ADAM12: variants seen among roughly 807,000 people sequenced by gnomAD.
The protein encoded by ADAM12 is ADAM metallopeptidase domain 12.
In ADAM12, 70 loss-of-function variants were observed where a neutral mutation model predicts 106.4. That is an observed-to-expected ratio of 0.66 (90% CI 0.54 to 0.80). ADAM12 has a LOEUF of 0.80. Among genes scored for constraint, ADAM12 ranks in the 30% least tolerant of loss-of-function variants. ADAM12 has a pLI of 0.00. For synonymous variants in ADAM12, 420 were observed against 433.5 expected (o/e 0.97, Z 0.39); for missense variants, 1,010 against 1,171.9 (o/e 0.86, Z 2.02).
intron 11 of ADAM12, among the ~76,000 whole-genome samples, chr10:126,088,856 G>A (rs553896274): frequency 7.9e-5 from 12 of 152,290 alleles, no homozygotes; most frequent in African/African-American, 2.4e-4. Flanking sequence ...GAATGGGCCA[G>A]TTATACATGC....
At chr10:126,050,700 A>G (rs1954459694) in intron 14 of ADAM12, among the ~76,000 whole-genome samples, 1 of 152,184 alleles carries the variant, frequency 6.6e-6, no homozygotes, top group Non-Finnish European at 1.5e-5. Flanking sequence ...TACTAAAAAC[A>G]TCCCCCTTCG....
At chr10:126,327,914 C>G (rs776048288) in intron 2 of ADAM12, among the ~76,000 whole-genome samples, 3 of 152,152 alleles carry the variant, frequency 2.0e-5, no homozygotes, top group African/African-American at 7.2e-5. Context: ...CTGTTGCTCC[C>G]GCATCACTCC....
chr10:126,065,739 A>C (rs1590360815), intron 13 of ADAM12, among the ~76,000 whole-genome samples: 1 of 152,160 alleles, frequency 6.6e-6, no homozygotes. Flanking sequence ...AGTCGAAAGC[A>C]ATTGTTAAAA....
chr10:126,153,952 T>C (rs1226849531), intron 4 of ADAM12, among the ~76,000 whole-genome samples: 1 of 152,230 alleles, frequency 6.6e-6, no homozygotes, highest in East Asian at 1.9e-4. Context: ...TCATTTTTTA[T>C]GAAGTCTTTT....
intron 3 of ADAM12, among the ~76,000 whole-genome samples, chr10:126,181,898 T>A (rs1422738291): frequency 6.6e-6 from 1 of 152,130 alleles, no homozygotes; most frequent in African/African-American, 2.4e-5. Flanking sequence ...ACCGGGAGAT[T>A]ACATGATTTC....
At chr10:126,152,919 C>A (rs965197085) in intron 4 of ADAM12, among the ~76,000 whole-genome samples, 5 of 152,136 alleles carry the variant, frequency 3.3e-5, no homozygotes, top group African/African-American at 1.2e-4. Context: ...CATTTTAAAT[C>A]TATTAGCTCA....
chr10:126,170,239 G>C (rs1957095233), intron 3 of ADAM12, among the ~76,000 whole-genome samples: 1 of 152,130 alleles, frequency 6.6e-6, no homozygotes, highest in South Asian at 2.1e-4. Context: ...TGCTTGCTCA[G>C]AGAGGGTCAT....
intron 3 of ADAM12, among the ~76,000 whole-genome samples, chr10:126,252,445 G>A (rs1056440581): frequency 1.3e-5 from 2 of 152,164 alleles, no homozygotes. Flanking sequence ...TCAAAGGCCC[G>A]AACACCAAGG....
In ADAM12 at chr10:126,064,963, G is replaced by A. The variant is rs200351199; in HGVS notation, c.1452C>T (p.Asn484=). The change falls in exon 14 of 23, where the codon AAC becomes AAT. Residue 484 remains asparagine, a synonymous_variant. Coordinates refer to ENST00000448723, the MANE Select transcript of ADAM12 (RefSeq NM_001288973.2). The surrounding 1 kb of genome is among the most constrained non-coding windows in gnomAD (Gnocchi z 4.4). ...TGCAGAACTCTGGGAGGTCACAGGA[G>A]TTGCTGGAGTCCCTGCACGCTGTTC... is the stretch of plus-strand genomic sequence containing the variant. ...PAGTACRDSS[N]SCDLPEFCTG... is the part of the protein sequence containing the mutation. 1.1e-5 allele frequency: 17 copies of A among 1,613,022 alleles called. No individual in the cohort carries two copies. The highest frequency in any genetic ancestry group is 5.0e-5 in the Admixed American group (3 of 59,926).
chr10:126,257,304 A>G (rs2133700101), intron 3 of ADAM12, among the ~76,000 whole-genome samples: 1 of 152,350 alleles, frequency 6.6e-6, no homozygotes, highest in East Asian at 1.9e-4. Context: ...AAAACACCTA[A>G]GTAGCCCTGG....
chr10:126,312,149 A>AC (rs1476497450), intron 2 of ADAM12, among the ~76,000 whole-genome samples: 7 of 151,470 alleles, frequency 4.6e-5, no homozygotes, highest in Admixed American at 2.6e-4. Context: ...AAAAAAAAAA[A>AC]AAACCCACGT....
At chr10:126,034,134 T>C (rs1564998935) in intron 21 of ADAM12, among the ~76,000 whole-genome samples, 1 of 152,256 alleles carries the variant, frequency 6.6e-6, no homozygotes, top group Non-Finnish European at 1.5e-5. Flanking sequence ...TTCTGTATTC[T>C]ACTTAAAGTG....
chr10:126,155,657 C>T (rs1057478073), intron 3 of ADAM12, among the ~76,000 whole-genome samples: 6 of 152,208 alleles, frequency 3.9e-5, no homozygotes, highest in African/African-American at 1.2e-4. Flanking sequence ...ATGAATAGTA[C>T]AGGCAGATTT....
intron 5 of ADAM12, among the ~76,000 whole-genome samples, chr10:126,123,465 T>C (rs945672270): frequency 2.0e-5 from 3 of 152,164 alleles, no homozygotes; most frequent in African/African-American, 7.2e-5. Flanking sequence ...GTCCCTTCTC[T>C]AGAGCGACAG....
rs1490149754 is a variant in ADAM12 at position 126,015,505 on chromosome 10, A to G, written c.*1774T>C. ...TTACATTTTAAAGAACTTAATAACTATAGAATAAACAGATGCATGCTATAC... is the reference window on the plus strand; with the variant it reads ...TTACATTTTAAAGAACTTAATAACTGTAGAATAAACAGATGCATGCTATAC... On this transcript the variant is annotated 3_prime_UTR_variant, in exon 23 of 23. Transcript: ENST00000448723. 6.6e-6 allele frequency: 1 copy of G among 152,248 alleles called. No homozygotes were observed. The highest frequency in any genetic ancestry group is 6.5e-5 in the Admixed American group (1 of 15,286). 9.4% of individuals were successfully genotyped at this position (152,248 alleles called of 1,614,324 possible).
At chr10:126,260,071 C>T (rs770440978) in intron 3 of ADAM12, among the ~76,000 whole-genome samples, 20 of 152,162 alleles carry the variant, frequency 1.3e-4, no homozygotes, top group African/African-American at 4.8e-4. Flanking sequence ...ACACCTGGGT[C>T]CCACCTGCCT....
At chr10:126,282,683 G>A (rs1472279329) in intron 2 of ADAM12, among the ~76,000 whole-genome samples, 1 of 152,024 alleles carries the variant, frequency 6.6e-6, no homozygotes, top group Non-Finnish European at 1.5e-5. Context: ...GTATTCTATT[G>A]CACAAACAAT....
intron 3 of ADAM12, among the ~76,000 whole-genome samples, chr10:126,197,830 G>A (rs1425726408): frequency 2.0e-5 from 3 of 152,190 alleles, no homozygotes; most frequent in Non-Finnish European, 2.9e-5. Context: ...AAGGGAGGGA[G>A]GTTATGAGTG....
intron 4 of ADAM12, among the ~76,000 whole-genome samples, chr10:126,137,949 T>C (rs1221412651): frequency 6.6e-6 from 1 of 152,210 alleles, no homozygotes; most frequent in Non-Finnish European, 1.5e-5. Flanking sequence ...GGAAACTCAA[T>C]GTTTAACTTT....
Sources: allele counts gnomAD v4.1 joint callset (sites outside exome capture counted in the v4.1 genomes callset), GRCh38; gene constraint gnomAD v4.1.1; non-coding constraint Gnocchi (gnomAD v3.1); transcripts MANE v1.5; gene names NCBI Gene and HGNC (gene_info 2026-07-23, HGNC 2026-07-21).